ADGRV1: variants seen among roughly 807,000 people sequenced by gnomAD.
ADGRV1 encodes G-protein coupled receptor 98.
A neutral mutation model predicts 596.2 loss-of-function variants in ADGRV1; 359 were observed. The ratio of observed to expected loss-of-function variants is 0.60; its 90% CI spans 0.55 to 0.66. The LOEUF (loss-of-function observed/expected upper bound fraction) is 0.66, where lower values mean the gene tolerates loss of function less well. Among genes scored for constraint, ADGRV1 ranks in the 30% least tolerant of loss-of-function variants. ADGRV1 has a pLI of 0.00. For synonymous variants in ADGRV1, 2,681 were observed against 2,679.2 expected, an observed-to-expected ratio of 1.00 and a Z score of -0.02; for missense variants, 7,274 against 7,575.6, an observed-to-expected ratio of 0.96 and a Z score of 1.48.
chr5:90,820,752 C>A (rs1232235483), intron 75 of ADGRV1, among the ~76,000 whole-genome samples: 1 of 151,676 alleles, frequency 6.6e-6, no homozygotes, highest in Admixed American at 6.6e-5. Flanking sequence ...CCCCCACTCT[C>A]TTCTGGCTTG....
At chr5:90,745,832 ATG>A in intron 52 of ADGRV1, 37 bp downstream of exon 52, 1 of 1,184,482 alleles carries the variant, frequency 8.4e-7, no homozygotes, top group Non-Finnish European at 1.2e-6. Context: ...GCAATGCAAA[ATG>A]TTTTATTTAT....
At chr5:90,731,976 A>G (rs1387195649) in intron 50 of ADGRV1, among the ~76,000 whole-genome samples, 2 of 152,164 alleles carry the variant, frequency 1.3e-5, no homozygotes, top group Non-Finnish European at 1.5e-5. Flanking sequence ...GGTTTAATAC[A>G]TGGTATATAG....
At chr5:90,766,884 C>G (rs1329128183) in intron 59 of ADGRV1, among the ~76,000 whole-genome samples, 1 of 152,182 alleles carries the variant, frequency 6.6e-6, no homozygotes, top group Non-Finnish European at 1.5e-5. Flanking sequence ...TCTTCCTCCT[C>G]TTTCCCTTCT....
At chr5:90,564,625 A>ATATATTTTTTTTTTT (rs1391157470) in intron 1 of ADGRV1, among the ~76,000 whole-genome samples, 13 of 33,596 alleles carry the variant, frequency 3.9e-4, no homozygotes, top group African/African-American at 3.0e-3. Flanking sequence ...ATATATATAT[A>ATATATTTTTTTTTTT]TTTTTTTTTT....
intron 83 of ADGRV1, among the ~76,000 whole-genome samples, chr5:90,916,737 A>G (rs923655451): frequency 2.8e-5 from 4 of 141,272 alleles, no homozygotes; most frequent in Admixed American, 7.5e-5. Context: ...GGTTCACGCC[A>G]TTCTCCTGCC....
chr5:91,044,227 A>T (rs892912581), intron 85 of ADGRV1, among the ~76,000 whole-genome samples: 5 of 152,156 alleles, frequency 3.3e-5, no homozygotes, highest in Admixed American at 6.5e-5. Flanking sequence ...CTAAGCTCAT[A>T]TGAAACACTT....
intron 59 of ADGRV1, among the ~76,000 whole-genome samples, chr5:90,770,973 C>A (rs562330940): frequency 6.6e-6 from 1 of 152,234 alleles, no homozygotes; most frequent in Admixed American, 6.5e-5. Flanking sequence ...TTCATACTAG[C>A]TAAAATCCAT....
chr5:91,110,945 G>A (rs559189675), intron 87 of ADGRV1, among the ~76,000 whole-genome samples: 2 of 152,258 alleles, frequency 1.3e-5, no homozygotes, highest in South Asian at 2.1e-4. Context: ...TCCCTGGCAC[G>A]TTTTGAATCA....
chr5:90,906,903 A>G (rs890200980), intron 83 of ADGRV1, among the ~76,000 whole-genome samples: 1 of 152,164 alleles, frequency 6.6e-6, no homozygotes, highest in African/African-American at 2.4e-5. Flanking sequence ...GACATGAATA[A>G]CTTGAGTAAT....
chr5:90,722,026 T>C (rs1751110252), intron 45 of ADGRV1, among the ~76,000 whole-genome samples: 1 of 152,200 alleles, frequency 6.6e-6, no homozygotes, highest in Non-Finnish European at 1.5e-5. Flanking sequence ...TTTATAATAG[T>C]GTTAATGGAA....
intron 85 of ADGRV1, among the ~76,000 whole-genome samples, chr5:91,030,567 C>CTTTCTA (rs146743759): frequency 0.063 from 9,565 of 151,154 alleles, 408 homozygotes; most frequent in East Asian, 0.19. Context: ...TTTGAGAGTT[C>CTTTCTA]TTTTTATGTT....
At chr5:90,671,560 G>A (rs552237467) in intron 21 of ADGRV1, among the ~76,000 whole-genome samples, 30 of 152,296 alleles carry the variant, frequency 2.0e-4, no homozygotes, top group Admixed American at 1.4e-3. Flanking sequence ...GATAACTTTC[G>A]ACTATTGTCG....
At chr5:90,966,628 A>G (rs898978185) in intron 84 of ADGRV1, among the ~76,000 whole-genome samples, 1 of 152,010 alleles carries the variant, frequency 6.6e-6, no homozygotes, top group Admixed American at 6.6e-5. Context: ...GGAAGAGATT[A>G]CTTGGCGAGA....
At chr5:91,065,217 G>C (rs1361947302) in intron 85 of ADGRV1, among the ~76,000 whole-genome samples, 1 of 152,126 alleles carries the variant, frequency 6.6e-6, no homozygotes, top group Non-Finnish European at 1.5e-5. Flanking sequence ...AGAAGAAAAA[G>C]TTGAAGTGAC....
At chr5:90,751,079 A>G (rs1281487270) in intron 53 of ADGRV1, among the ~76,000 whole-genome samples, 3 of 152,154 alleles carry the variant, frequency 2.0e-5, no homozygotes, top group Non-Finnish European at 4.4e-5. Context: ...AGTCGGACTT[A>G]TGAAAAAGTA....
rs549185009 is a variant in ADGRV1, at chr5:90,619,661, T to C, written c.453+480T>C. Among the ~76,000 whole-genome samples, 3 of 152,220 alleles carry C rather than the reference T, an allele frequency of 2.0e-5. No homozygotes were observed. The East Asian group carries it at 5.8e-4, about 29-fold the overall frequency. On this transcript the variant is annotated intron_variant, in intron 4 of 89. Coordinates refer to ENST00000405460, the MANE Select transcript of ADGRV1 (RefSeq NM_032119.4). The stretch of plus-strand genomic sequence containing the variant: ...ACATGTGCACAACGTGCAGGTTTGT[T>C]ACATATGTATACATATGCCATGCTG...
intron 58 of ADGRV1, among the ~76,000 whole-genome samples, chr5:90,761,894 A>G (rs1393374662): frequency 6.6e-6 from 1 of 152,170 alleles, no homozygotes; most frequent in Non-Finnish European, 1.5e-5. Flanking sequence ...CTTTCCTATC[A>G]CAAAAGTTTC....
At chr5:90,790,440 C>A (rs553915072) in intron 69 of ADGRV1, among the ~76,000 whole-genome samples, 1 of 152,250 alleles carries the variant, frequency 6.6e-6, no homozygotes, top group South Asian at 2.1e-4. Flanking sequence ...GCCAGCAATT[C>A]TTGGAAAATA....
At chr5:91,121,228 C>T (rs1052625465) in intron 87 of ADGRV1, among the ~76,000 whole-genome samples, 1 of 152,102 alleles carries the variant, frequency 6.6e-6, no homozygotes, top group Admixed American at 6.6e-5. Flanking sequence ...TAGGGGAACA[C>T]TATTTATTTC....
Sources: allele counts gnomAD v4.1 joint callset (sites outside exome capture counted in the v4.1 genomes callset), GRCh38; gene constraint gnomAD v4.1.1; transcripts MANE v1.5; gene names NCBI Gene and HGNC (gene_info 2026-07-23, HGNC 2026-07-21).